Variants in MAST4 observed in about 807,000 individuals in gnomAD.
The protein encoded by MAST4 is microtubule associated serine/threonine kinase family member 4, also known as microtubule-associated serine/threonine-protein kinase 4.
In MAST4, 89 loss-of-function variants were observed where a neutral mutation model predicts 162.7. The observed-to-expected ratio is 0.55, with a 90% CI of 0.46 to 0.65. The LOEUF is 0.65. Among genes scored for constraint, MAST4 ranks in the 30% least tolerant of loss-of-function variants. The pLI is 0.00. For missense variants in MAST4, 3,153 were observed against 3,374.0 expected (o/e 0.93, Z 1.62); for synonymous variants, 1,479 against 1,361.1 (o/e 1.09, Z -1.91).
chr5:66,849,448 A>C (rs1759138300), intron 3 of MAST4, among the ~76,000 whole-genome samples: 8 of 145,350 alleles, frequency 5.5e-5, no homozygotes, highest in African/African-American at 7.7e-5. Flanking sequence ...TCTTTACCCT[A>C]CTCCTCTTCT....
intron 1 of MAST4, chr5:66,662,210 A>G (rs950138952): frequency 1.3e-5 from 2 of 151,964 alleles, no homozygotes; most frequent in African/African-American, 4.8e-5. Flanking sequence ...TTATCTGATA[A>G]TTGGGGCTAT....
chr5:66,752,975 C>G (rs1217322895), intron 1 of MAST4, among the ~76,000 whole-genome samples: 5 of 151,154 alleles, frequency 3.3e-5, no homozygotes, highest in African/African-American at 9.7e-5. Flanking sequence ...TGCAATCAAA[C>G]TAGAACTCAG....
At chr5:66,728,113 C>G (rs1181743856) in intron 1 of MAST4, among the ~76,000 whole-genome samples, 2 of 152,236 alleles carry the variant, frequency 1.3e-5, no homozygotes, top group Non-Finnish European at 2.9e-5. Context: ...GTCTGAGGCA[C>G]AGGAAACATT....
At chr5:67,142,270 G>A (rs1295554648) in intron 20 of MAST4, 33 bp downstream of exon 20, 6 of 1,606,512 alleles carry the variant, frequency 3.7e-6, no homozygotes, top group Middle Eastern at 1.6e-4. Context: ...AACATTGTTT[G>A]GCCTTTACTC....
chr5:66,868,722 C>T (rs2149864450), intron 3 of MAST4, among the ~76,000 whole-genome samples: 1 of 151,882 alleles, frequency 6.6e-6, no homozygotes, highest in Admixed American at 6.6e-5. Context: ...ATTTCATAGC[C>T]CTATTTGTTC....
chr5:66,955,213 GAA>G (rs59269171), intron 4 of MAST4, among the ~76,000 whole-genome samples: 1 of 121,332 alleles, frequency 8.2e-6, no homozygotes, highest in Admixed American at 8.5e-5. Context: ...CCTTGTCTCA[GAA>G]AAAAAAAAAA....
At chr5:67,090,064 C>CATTACA (rs1763659318) in intron 5 of MAST4, 98 bp from the exon 6 acceptor site, 2 of 841,820 alleles carry the variant, frequency 2.4e-6, no homozygotes, top group Admixed American at 4.4e-5. Flanking sequence ...GGACATTCTA[C>CATTACA]AGAAATGTAA....
chr5:67,076,408 T>C (rs930718873), intron 5 of MAST4, among the ~76,000 whole-genome samples: 10 of 151,826 alleles, frequency 6.6e-5, no homozygotes, highest in Non-Finnish European at 1.2e-4. Context: ...TGTTTACTAA[T>C]AGTCTCTCCA....
intron 3 of MAST4, among the ~76,000 whole-genome samples, chr5:66,832,734 A>G (rs148291811): frequency 2.0e-5 from 3 of 152,308 alleles, no homozygotes; most frequent in South Asian, 2.1e-4. Context: ...TACTCTGTCT[A>G]TATTCATTTG....
intron 1 of MAST4, among the ~76,000 whole-genome samples, chr5:66,647,418 A>G (rs1745914097): frequency 6.6e-6 from 1 of 152,098 alleles, no homozygotes; most frequent in African/African-American, 2.4e-5. Flanking sequence ...ATATCTAAGA[A>G]GTTGTTTTTA....
rs117315437 is a variant in MAST4 at position 67,119,821 on chromosome 5, A to G, written c.1659+1072A>G. Among the ~76,000 whole-genome samples, 158 of 152,220 alleles carry G rather than the reference A, an allele frequency of 1.0e-3. No individual in the cohort carries two copies. In the East Asian group the frequency reaches 0.024, roughly 23 times the overall value. ...GACTTAGGAGTCATCCATGAACATA[A>G]ATGAGATCACTCGTGTAGGGAAGAG... On this transcript the variant is annotated intron_variant, in intron 13 of 28. Coordinates refer to ENST00000403625, the MANE Select transcript of MAST4 (RefSeq NM_001164664.2).
At chr5:66,820,234 C>A (rs1468136809) in intron 3 of MAST4, among the ~76,000 whole-genome samples, 1 of 152,050 alleles carries the variant, frequency 6.6e-6, no homozygotes, top group Non-Finnish European at 1.5e-5. Context: ...TTTCCTTGAT[C>A]TTTTATCTCT....
chr5:66,687,945 G>A (rs150170393), intron 1 of MAST4, among the ~76,000 whole-genome samples: 2 of 152,302 alleles, frequency 1.3e-5, no homozygotes, highest in African/African-American at 4.8e-5. Context: ...TTTTTCAGGT[G>A]CACAGGTGTG....
chr5:66,964,610 G>C (rs59171801), intron 4 of MAST4, among the ~76,000 whole-genome samples: 2,729 of 152,250 alleles, frequency 0.018, 77 homozygotes, highest in African/African-American at 0.062. Context: ...GACCATCCTG[G>C]CTAACACGGT....
At chr5:66,806,049 AG>A (rs1228519248) in intron 3 of MAST4, among the ~76,000 whole-genome samples, 3 of 152,182 alleles carry the variant, frequency 2.0e-5, no homozygotes, top group Non-Finnish European at 2.9e-5. Flanking sequence ...AGCCAACTAA[AG>A]GAGAAGCGAA....
At chr5:66,804,610 TG>T (rs1290076489) in intron 3 of MAST4, among the ~76,000 whole-genome samples, 3 of 152,200 alleles carry the variant, frequency 2.0e-5, no homozygotes, top group Non-Finnish European at 2.9e-5. Flanking sequence ...ATCAGTGGAA[TG>T]GGGAAGCCTA....
At chr5:66,974,949 A>G (rs534315696) in intron 4 of MAST4, among the ~76,000 whole-genome samples, 1 of 152,324 alleles carries the variant, frequency 6.6e-6, no homozygotes, top group East Asian at 1.9e-4. Flanking sequence ...GGCCCCAAAG[A>G]TATCAGGTTC....
chr5:67,116,098 G>T (rs1011407449), intron 12 of MAST4, among the ~76,000 whole-genome samples: 1 of 152,158 alleles, frequency 6.6e-6, no homozygotes, highest in Non-Finnish European at 1.5e-5. Context: ...AAGAAAACAT[G>T]AACAGTGATC....
chr5:66,789,444 C>T (rs1755281462), intron 3 of MAST4, among the ~76,000 whole-genome samples: 1 of 152,196 alleles, frequency 6.6e-6, no homozygotes, highest in African/African-American at 2.4e-5. Flanking sequence ...TTGTCCCTCT[C>T]TTTAGTCCCC....
Sources: allele counts gnomAD v4.1 joint callset (sites outside exome capture counted in the v4.1 genomes callset), GRCh38; gene constraint gnomAD v4.1.1; transcripts MANE v1.5; gene names NCBI Gene and HGNC (gene_info 2026-07-23, HGNC 2026-07-21).